The following PARD3 variants were observed in gnomAD, a reference collection of about 807,000 sequenced individuals.
PARD3 encodes partitioning defective 3 homolog.
PARD3 carries 75 observed loss-of-function variants against 155.4 expected under a neutral mutation model. The ratio of observed to expected loss-of-function variants is 0.48; its 90% confidence interval spans 0.40 to 0.58. The LOEUF (loss-of-function observed/expected upper bound fraction) is 0.58, where lower values mean the gene tolerates loss of function less well. PARD3 is among the 20% of genes least tolerant of loss of function. The pLI is 0.00. For missense variants in PARD3, 1,642 were observed against 1,721.7 expected (o/e 0.95, Z 0.82); for synonymous variants, 576 against 610.5 (o/e 0.94, Z 0.83).
intron 1 of PARD3, among the ~76,000 whole-genome samples, chr10:34,791,594 AG>A (rs1794569954): frequency 6.6e-6 from 1 of 152,152 alleles, no homozygotes; most frequent in African/African-American, 2.4e-5. Flanking sequence ...AACCCGTCAG[AG>A]CCAGGTGTGG....
At chr10:34,237,535 G>A (rs1003260735) in intron 22 of PARD3, among the ~76,000 whole-genome samples, 8 of 152,112 alleles carry the variant, frequency 5.3e-5, no homozygotes, top group African/African-American at 1.9e-4. Context: ...ATTAAGGATG[G>A]GGGAAATACT....
At chr10:34,322,490 C>T (rs1211540411) in intron 19 of PARD3, among the ~76,000 whole-genome samples, 1 of 152,088 alleles carries the variant, frequency 6.6e-6, no homozygotes, top group Non-Finnish European at 1.5e-5. Flanking sequence ...CTGCATAAAG[C>T]AAGTGTTAGA....
At chr10:34,351,176 C>A (rs1039828641) in intron 14 of PARD3, among the ~76,000 whole-genome samples, 1 of 152,182 alleles carries the variant, frequency 6.6e-6, no homozygotes, top group African/African-American at 2.4e-5. Context: ...ATTGGAATGG[C>A]CTTAAACCCC....
At chr10:34,732,269 G>A (rs552450203) in intron 1 of PARD3, among the ~76,000 whole-genome samples, 1 of 152,292 alleles carries the variant, frequency 6.6e-6, no homozygotes, top group Admixed American at 6.5e-5. Context: ...GTCTTCTCAA[G>A]TACATGCAAA....
intron 22 of PARD3, among the ~76,000 whole-genome samples, chr10:34,224,330 G>A (rs1057011582): frequency 2.0e-5 from 3 of 152,214 alleles, no homozygotes; most frequent in African/African-American, 7.2e-5. Flanking sequence ...AGAGGTACAT[G>A]GGGGAATTAG....
chr10:34,255,153 C>G (rs77413297), intron 22 of PARD3, among the ~76,000 whole-genome samples: 1 of 152,040 alleles, frequency 6.6e-6, no homozygotes, highest in Non-Finnish European at 1.5e-5. Flanking sequence ...AGATCTCCCT[C>G]CTTTCTGCCA....
At chr10:34,779,837 C>T (rs1233694276) in intron 1 of PARD3, among the ~76,000 whole-genome samples, 1 of 152,230 alleles carries the variant, frequency 6.6e-6, no homozygotes, top group Non-Finnish European at 1.5e-5. Flanking sequence ...AGACATCCAA[C>T]GTGGCACTTT....
intron 22 of PARD3, among the ~76,000 whole-genome samples, chr10:34,193,355 A>AT (rs1185171504): frequency 2.0e-5 from 3 of 152,118 alleles, no homozygotes; most frequent in Non-Finnish European, 4.4e-5. Context: ...CAAACAGTGC[A>AT]TTTTTTCCCC....
chr10:34,159,936 G>C (rs778105001), intron 22 of PARD3, among the ~76,000 whole-genome samples: 4 of 152,188 alleles, frequency 2.6e-5, no homozygotes, highest in Non-Finnish European at 5.9e-5. Context: ...TATGAGGAGG[G>C]CAGTTATCTT....
chr10:34,346,429 A>G, intron 15 of PARD3: 2 of 1,347,976 alleles, frequency 1.5e-6, no homozygotes, highest in Non-Finnish European at 2.0e-6. Context: ...GGTCTGATTC[A>G]GTATGGCAAG....
At chr10:34,119,043 G>A (rs1031286642) in intron 24 of PARD3, among the ~76,000 whole-genome samples, 1 of 152,168 alleles carries the variant, frequency 6.6e-6, no homozygotes, top group Non-Finnish European at 1.5e-5. Context: ...CTGGGGAGCA[G>A]GCAAGTAAGG....
chr10:34,113,022 A>G lies in PARD3; in HGVS notation c.3669-1460T>C, dbSNP rs567486027. Among the ~76,000 whole-genome samples, 99 of 152,324 alleles carry G rather than the reference A, an allele frequency of 6.5e-4. No homozygotes were observed. The South Asian group carries it at 0.02, about 31-fold the overall frequency. ...AAGTCATAAATTAATCTACCCAGAGACAAGACTGTTGGAAAATGCCGGCAT... is the reference window on the plus strand; with the variant it reads ...AAGTCATAAATTAATCTACCCAGAGGCAAGACTGTTGGAAAATGCCGGCAT... On this transcript the variant is annotated intron_variant, in intron 24 of 24. Coordinates refer to ENST00000374788, the MANE Select transcript of PARD3 (RefSeq NM_001184785.2).
chr10:34,439,566 T>C (rs569963265), intron 5 of PARD3, among the ~76,000 whole-genome samples: 2 of 152,224 alleles, frequency 1.3e-5, no homozygotes, highest in African/African-American at 4.8e-5. Flanking sequence ...CAAATGATTA[T>C]CCTGCCTCAG....
At chr10:34,338,240 G>A (rs1282436680) in intron 16 of PARD3, among the ~76,000 whole-genome samples, 1 of 152,214 alleles carries the variant, frequency 6.6e-6, no homozygotes, top group Non-Finnish European at 1.5e-5. Context: ...GGAAGCATAT[G>A]GCAAATCCCT....
intron 2 of PARD3, among the ~76,000 whole-genome samples, chr10:34,616,920 G>A (rs1293776019): frequency 2.2e-5 from 3 of 138,550 alleles, no homozygotes; most frequent in African/African-American, 5.9e-5. Context: ...GGGCAACAGA[G>A]CACCTGTCTC....
At chr10:34,579,630 G>T (rs1270612098) in intron 2 of PARD3, among the ~76,000 whole-genome samples, 1 of 149,252 alleles carries the variant, frequency 6.7e-6, no homozygotes, top group Non-Finnish European at 1.5e-5. Flanking sequence ...TCCCAGGCTG[G>T]AGTGCAGTGG....
chr10:34,147,314 A>G (rs1403631570), intron 22 of PARD3, among the ~76,000 whole-genome samples: 1 of 152,116 alleles, frequency 6.6e-6, no homozygotes, highest in Non-Finnish European at 1.5e-5. Context: ...TAGCTAATTG[A>G]GACTTTATTG....
At chr10:34,691,363 A>G (rs1046932910) in intron 2 of PARD3, among the ~76,000 whole-genome samples, 3 of 152,216 alleles carry the variant, frequency 2.0e-5, no homozygotes, top group African/African-American at 7.2e-5. Flanking sequence ...AAAGAATAAC[A>G]TGCCTAGGAA....
chr10:34,539,456 GT>G (rs2133868744), intron 2 of PARD3, among the ~76,000 whole-genome samples: 2 of 152,278 alleles, frequency 1.3e-5, no homozygotes, highest in South Asian at 4.1e-4. Context: ...ATCACCTAAG[GT>G]CAGGAGTTTG....
Sources: gnomAD v4.1 joint callset for allele counts (sites outside exome capture counted in the v4.1 genomes callset) on GRCh38, gnomAD v4.1.1 for gene constraint, MANE v1.5 for transcripts, NCBI Gene and HGNC (gene_info 2026-07-23, HGNC 2026-07-21) for gene names.